KLHL32: variants seen among roughly 807,000 people sequenced by gnomAD.
The protein encoded by KLHL32 is kelch like family member 32.
Under a neutral mutation model 64.8 loss-of-function variants are expected in KLHL32, and 35 were observed. The observed-to-expected ratio is 0.54, with a 90% CI of 0.41 to 0.72. The LOEUF is 0.72. KLHL32 is among the 30% of genes least tolerant of loss of function. KLHL32 has a pLI of 0.00. For missense variants in KLHL32, 589 were observed against 768.5 expected (o/e 0.77, Z 2.76); for synonymous variants, 259 against 281.0 (o/e 0.92, Z 0.78).
intron 1 of KLHL32, among the ~76,000 whole-genome samples, chr6:96,927,785 A>G (rs941979053): frequency 6.6e-6 from 1 of 152,186 alleles, no homozygotes; most frequent in African/African-American, 2.4e-5. Flanking sequence ...TGTGTTAGTA[A>G]TGTTCTAACA....
At chr6:97,123,714 T>C (rs1798601168) in intron 7 of KLHL32, among the ~76,000 whole-genome samples, 1 of 151,942 alleles carries the variant, frequency 6.6e-6, no homozygotes, top group South Asian at 2.1e-4. Flanking sequence ...GGGAGGGAGA[T>C]CAAAACTGCC....
At chr6:97,112,211 C>G (rs1354745603) in intron 6 of KLHL32, among the ~76,000 whole-genome samples, 2 of 152,138 alleles carry the variant, frequency 1.3e-5, no homozygotes, top group Non-Finnish European at 2.9e-5. Context: ...ATTTAATATT[C>G]TATTTCTTTG....
chr6:97,114,247 T>G lies in KLHL32; in HGVS notation c.1092T>G (p.Ala364=). 1 of 1,614,128 alleles carries G rather than the reference T, an allele frequency of 6.2e-7. No individual in the cohort carries two copies. Among genetic ancestry groups the G allele is most frequent in the Non-Finnish European group, 8.5e-7 (1 of 1,180,016 alleles). ...EVEHASGRTC[A]VRTACRYDPR... ...AGCATGCCAGTGGCCGGACGTGTGC[T>G]GTGAGGACTGCCTGTCGCTATGACC... Residue 364 remains alanine (A), a synonymous_variant, in exon 7 of 11, where the codon GCT becomes GCG. Coordinates refer to ENST00000369261, the MANE Select transcript of KLHL32 (RefSeq NM_052904.4).
chr6:96,934,789 G>GATT (rs1667909317), intron 1 of KLHL32, among the ~76,000 whole-genome samples: 2 of 152,194 alleles, frequency 1.3e-5, no homozygotes, highest in Non-Finnish European at 2.9e-5. Flanking sequence ...CATTGATAGT[G>GATT]ATTACATGGC....
chr6:96,965,178 C>T (rs941743397), intron 1 of KLHL32, among the ~76,000 whole-genome samples: 2 of 152,154 alleles, frequency 1.3e-5, no homozygotes, highest in African/African-American at 4.8e-5. Context: ...ACAAGATTTT[C>T]TTCTTTTTTA....
intron 3 of KLHL32, among the ~76,000 whole-genome samples, chr6:97,039,688 C>G (rs1303950824): frequency 1.7e-5 from 2 of 114,354 alleles, no homozygotes; most frequent in African/African-American, 8.1e-5. Flanking sequence ...GGAGTGGTGG[C>G]GGGCACCTAT....
intron 1 of KLHL32, among the ~76,000 whole-genome samples, chr6:96,927,813 A>G (rs1769346764): frequency 1.3e-5 from 2 of 152,214 alleles, no homozygotes; most frequent in African/African-American, 4.8e-5. Flanking sequence ...GGCTGAGTGC[A>G]TGGAGATACC....
At chr6:96,955,923 C>G (rs1188515544) in intron 1 of KLHL32, among the ~76,000 whole-genome samples, 1 of 152,176 alleles carries the variant, frequency 6.6e-6, no homozygotes, top group Non-Finnish European at 1.5e-5. Context: ...AGCAACAGAG[C>G]AAGACTCCAT....
intron 4 of KLHL32, among the ~76,000 whole-genome samples, chr6:97,055,796 TAAAAAAAAAA>T (rs750242567): frequency 3.7e-5 from 3 of 81,032 alleles, no homozygotes; most frequent in South Asian, 4.9e-4. Context: ...AGAACCTGTC[TAAAAAAAAAA>T]AAAAAAAAAA....
intron 8 of KLHL32, 109 bp downstream of exon 8, chr6:97,127,571 A>G (rs1324654435): frequency 3.4e-6 from 3 of 877,858 alleles, no homozygotes; most frequent in Non-Finnish European, 5.5e-6. Context: ...ATGCATCTTT[A>G]GCTTATATAG....
intron 4 of KLHL32, chr6:97,062,593 T>C (rs1285143698): frequency 6.6e-6 from 1 of 152,246 alleles, no homozygotes; most frequent in Non-Finnish European, 1.5e-5. Context: ...CTTATAAAAT[T>C]AGTTAAAATT....
intron 4 of KLHL32, among the ~76,000 whole-genome samples, chr6:97,056,081 CTTTTCTTTTTTTTTCTTTTT>C (rs1350994217): frequency 1.4e-5 from 2 of 139,370 alleles, no homozygotes; most frequent in Non-Finnish European, 3.0e-5. Flanking sequence ...GCCAGCCTCC[CTTTTCTTTTTTTTTCTTTTT>C]TTTTCTTTTT....
At chr6:97,003,539 C>T (rs373549652) in intron 3 of KLHL32, among the ~76,000 whole-genome samples, 44 of 152,098 alleles carry the variant, frequency 2.9e-4, no homozygotes, top group African/African-American at 9.2e-4. Flanking sequence ...CAATTGCTTT[C>T]GGCATCTTTG....
At chr6:96,972,756 T>C (rs1775251983) in intron 2 of KLHL32, among the ~76,000 whole-genome samples, 1 of 152,200 alleles carries the variant, frequency 6.6e-6, no homozygotes, top group African/African-American at 2.4e-5. Flanking sequence ...GTTTGCTAAT[T>C]TGATATATGT....
intron 3 of KLHL32, among the ~76,000 whole-genome samples, chr6:97,025,435 A>G (rs1782587909): frequency 1.3e-5 from 2 of 152,248 alleles, no homozygotes; most frequent in African/African-American, 4.8e-5. Context: ...TACAAGTATT[A>G]GATGCTTTCT....
chr6:96,961,699 T>G (rs1433550388), intron 1 of KLHL32, among the ~76,000 whole-genome samples: 1 of 152,078 alleles, frequency 6.6e-6, no homozygotes, highest in Admixed American at 6.6e-5. Flanking sequence ...AGATGATTGG[T>G]GAGTCGGAAA....
chr6:96,978,268 T>C (rs1203832661), intron 3 of KLHL32, among the ~76,000 whole-genome samples: 2 of 152,144 alleles, frequency 1.3e-5, no homozygotes, highest in African/African-American at 4.8e-5. Context: ...ACTCAATAGC[T>C]AGTTTTTCAA....
intron 3 of KLHL32, among the ~76,000 whole-genome samples, chr6:96,992,547 T>C (rs1305202558): frequency 6.6e-6 from 1 of 152,220 alleles, no homozygotes; most frequent in Non-Finnish European, 1.5e-5. Context: ...TTTTGGGAAA[T>C]GATTTGATTT....
chr6:97,108,527 G>C (rs749736563), intron 6 of KLHL32, among the ~76,000 whole-genome samples: 4 of 152,116 alleles, frequency 2.6e-5, no homozygotes, highest in Non-Finnish European at 5.9e-5. Context: ...TGTTAGATGA[G>C]GTTCACAGCA....
Sources: gnomAD v4.1 joint callset for allele counts (sites outside exome capture counted in the v4.1 genomes callset) on GRCh38, gnomAD v4.1.1 for gene constraint, MANE v1.5 for transcripts, NCBI Gene and HGNC (gene_info 2026-07-23, HGNC 2026-07-21) for gene names.